Variants in DLG2 observed in about 807,000 individuals in gnomAD.
DLG2 encodes discs large MAGUK scaffold protein 2.
In DLG2, 45 loss-of-function variants were observed where a neutral mutation model predicts 132.5. That is an observed-to-expected ratio of 0.34 (90% CI 0.27 to 0.44). The LOEUF (loss-of-function observed/expected upper bound fraction) is 0.44. Ranked by LOEUF, DLG2 falls within the 20% of genes least tolerant of loss-of-function variation. The pLI, the probability that DLG2 is intolerant of heterozygous loss-of-function variation, is 1.00. For missense variants in DLG2, 1,045 were observed against 1,196.9 expected, an observed-to-expected ratio of 0.87 and a Z score of 1.87; for synonymous variants, 424 against 419.6, an observed-to-expected ratio of 1.01 and a Z score of -0.13.
At chr11:83,786,646 C>T (rs1450982779) in intron 18 of DLG2, 44 bp downstream of exon 18, 3 of 1,521,780 alleles carry the variant, frequency 2.0e-6, no homozygotes, top group Admixed American at 1.7e-5. Flanking sequence ...TACAGATCCA[C>T]ACAGAGACAT....
At position 84,275,004 on chromosome 11, in the gene DLG2, T is replaced by C. The variant is rs376983050; in HGVS notation, c.520-23713A>G. Among the ~76,000 whole-genome samples, 65 of 152,324 alleles carry C rather than the reference T, an allele frequency of 4.3e-4. 1 individual carries two copies. The South Asian group carries it at 0.013, about 31-fold the overall frequency. ...GAAAATATTCCTTCACTAGTAAATGTTCTGAATTTCTCAGGAAACAACAGG... is the reference window on the plus strand; with the variant it reads ...GAAAATATTCCTTCACTAGTAAATGCTCTGAATTTCTCAGGAAACAACAGG... On this transcript the variant is annotated intron_variant, in intron 7 of 27. Transcript: ENST00000376104.
intron 3 of DLG2, among the ~76,000 whole-genome samples, chr11:85,413,849 G>A (rs1342005803): frequency 6.6e-6 from 1 of 151,844 alleles, no homozygotes; most frequent in East Asian, 1.9e-4. Flanking sequence ...TTCCAGGTTT[G>A]TTATTTTTGC....
At chr11:84,267,342 A>G (rs1329998576) in intron 7 of DLG2, among the ~76,000 whole-genome samples, 1 of 152,192 alleles carries the variant, frequency 6.6e-6, no homozygotes, top group African/African-American at 2.4e-5. Flanking sequence ...TACTAGGCAT[A>G]AGGAAAGGCT....
At chr11:84,600,159 G>GGAAGGAAA (rs1291909906) in intron 6 of DLG2, among the ~76,000 whole-genome samples, 2 of 96,102 alleles carry the variant, frequency 2.1e-5, no homozygotes, top group Non-Finnish European at 4.1e-5. Flanking sequence ...AAAGAAAGAA[G>GGAAGGAAA]GAAAGAAAGA....
intron 3 of DLG2, among the ~76,000 whole-genome samples, chr11:85,543,153 C>T (rs567942194): frequency 6.6e-6 from 1 of 152,282 alleles, no homozygotes; most frequent in Admixed American, 6.5e-5. Context: ...CCATCCTCAA[C>T]AGGCTCTGGT....
rs200661850 is a variant in DLG2 at position 84,419,324 on chromosome 11, C to T, written c.519+115246G>A. ...ACACGTTTTGTATTCAATAATATCTCCCCAATATCTATCCTTATGCCTGGG... is the reference window on the plus strand; with the variant it reads ...ACACGTTTTGTATTCAATAATATCTTCCCAATATCTATCCTTATGCCTGGG... On this transcript the variant is annotated intron_variant, in intron 7 of 27. Transcript: ENST00000376104. 2.3e-3 allele frequency among the ~76,000 whole-genome samples: 344 copies of T among 152,234 alleles called. 2 individuals are homozygous for T. Among genetic ancestry groups the T allele is most frequent in the African/African-American group, 7.6e-3 (317 of 41,512 alleles).
chr11:84,649,943 T>C (rs2099679558), intron 6 of DLG2, among the ~76,000 whole-genome samples: 1 of 152,192 alleles, frequency 6.6e-6, no homozygotes, highest in African/African-American at 2.4e-5. Flanking sequence ...CCTTGTCTCA[T>C]GTTCCTTCAG....
chr11:84,848,090 C>T (rs984744812), intron 6 of DLG2, among the ~76,000 whole-genome samples: 4 of 152,120 alleles, frequency 2.6e-5, no homozygotes, highest in African/African-American at 9.7e-5. Flanking sequence ...GCGAAAAGAA[C>T]TGAAGAGAAC....
chr11:83,957,778 A>T (rs887469305), intron 14 of DLG2, among the ~76,000 whole-genome samples: 6 of 152,072 alleles, frequency 3.9e-5, no homozygotes, highest in Admixed American at 3.3e-4. Context: ...CAGTAAACTT[A>T]TTCCTGCCTC....
chr11:84,488,382 G>T (rs545004139), intron 7 of DLG2, among the ~76,000 whole-genome samples: 3 of 152,198 alleles, frequency 2.0e-5, no homozygotes, highest in East Asian at 1.9e-4. Context: ...GTTGGAATTG[G>T]GGAAGGCCTT....
intron 19 of DLG2, among the ~76,000 whole-genome samples, chr11:83,549,736 T>C (rs1382979543): frequency 6.6e-6 from 1 of 152,188 alleles, no homozygotes; most frequent in African/African-American, 2.4e-5. Flanking sequence ...TTAAAAACAA[T>C]CATTCGTCCA....
intron 6 of DLG2, among the ~76,000 whole-genome samples, chr11:84,752,748 G>A (rs1258493658): frequency 8.6e-6 from 1 of 116,130 alleles, no homozygotes; most frequent in African/African-American, 3.4e-5. Flanking sequence ...TCCCCAGAGT[G>A]TGATATTCCC....
chr11:85,351,034 T>C (rs562490612), intron 3 of DLG2, among the ~76,000 whole-genome samples: 1 of 152,212 alleles, frequency 6.6e-6, no homozygotes, highest in Admixed American at 6.5e-5. Context: ...ATTCTTCCTA[T>C]CCATGAGGAT....
chr11:83,733,424 G>A (rs1348390100), intron 18 of DLG2, among the ~76,000 whole-genome samples: 1 of 151,922 alleles, frequency 6.6e-6, no homozygotes, highest in East Asian at 1.9e-4. Context: ...GAAAAAGCAG[G>A]GTTTCTTTGC....
At chr11:84,705,293 C>A in intron 6 of DLG2, among the ~76,000 whole-genome samples, 1 of 151,674 alleles carries the variant, frequency 6.6e-6, no homozygotes, top group East Asian at 1.9e-4. Flanking sequence ...TATCTCATGC[C>A]TACATGTCTA....
At position 84,501,897 on chromosome 11, in the gene DLG2, T is replaced by C. The variant is rs568500703; in HGVS notation, c.519+32673A>G. On this transcript the variant is annotated intron_variant, in intron 7 of 27. Transcript: ENST00000376104. ...AGGATTTTTTTTTAAGCTTTAAATA[T>C]ACTGATGCCCAGAAGACTTCTAGTT... Among the ~76,000 whole-genome samples the C allele has an allele frequency of 1.4e-4, 21 of 152,182 alleles. 1 individual carries two copies. The highest frequency in any genetic ancestry group is 5.1e-4 in the African/African-American group (21 of 41,514).
chr11:83,774,222 C>CA (rs1348886736), intron 18 of DLG2, among the ~76,000 whole-genome samples: 1 of 152,192 alleles, frequency 6.6e-6, no homozygotes, highest in African/African-American at 2.4e-5. Flanking sequence ...CCTGCATCCA[C>CA]AGTCTCCCAA....
chr11:83,766,818 A>G (rs1338497027), intron 18 of DLG2, among the ~76,000 whole-genome samples: 2 of 152,222 alleles, frequency 1.3e-5, no homozygotes, highest in East Asian at 1.9e-4. Context: ...GCTCACAGCA[A>G]CATACATTTA....
intron 7 of DLG2, among the ~76,000 whole-genome samples, chr11:84,389,369 A>C (rs1484342964): frequency 6.6e-6 from 1 of 152,116 alleles, no homozygotes; most frequent in Admixed American, 6.6e-5. Flanking sequence ...TTAAAACTCC[A>C]TAAAAACCTG....
Sources: allele counts gnomAD v4.1 joint callset (sites outside exome capture counted in the v4.1 genomes callset), GRCh38; gene constraint gnomAD v4.1.1; transcripts MANE v1.5; gene names NCBI Gene and HGNC (gene_info 2026-07-23, HGNC 2026-07-21).